Variants in DLEC1 observed in about 807,000 individuals in gnomAD.
The protein encoded by DLEC1 is deleted in lung and esophageal cancer protein 1.
DLEC1 carries 146 observed loss-of-function variants against 198.1 expected under a neutral mutation model. The ratio of observed to expected loss-of-function variants is 0.74; its 90% CI spans 0.64 to 0.85. The LOEUF (loss-of-function observed/expected upper bound fraction) is 0.85, where lower values mean the gene tolerates loss of function less well. DLEC1 is among the 40% of genes least tolerant of loss of function. DLEC1 has a pLI of 0.00. For missense variants in DLEC1, 2,233 were observed against 2,220.0 expected, an observed-to-expected ratio of 1.01 and a Z score of -0.12; for synonymous variants, 897 against 866.8, an observed-to-expected ratio of 1.03 and a Z score of -0.61.
chr3:38,088,443 GTC>G, intron 10 of DLEC1, 55 bp downstream of exon 10: 1 of 1,544,614 alleles, frequency 6.5e-7, no homozygotes. Context: ...GCTTGCATTT[GTC>G]TCTGTTTTCA....
chr3:38,069,151 G>A (rs879272349), intron 6 of DLEC1, among the ~76,000 whole-genome samples: 16 of 152,138 alleles, frequency 1.1e-4, no homozygotes, highest in Non-Finnish European at 5.9e-5. Flanking sequence ...GGGGCCAGGG[G>A]AAGAGGGCAG....
At chr3:38,108,969 T>C (rs1050295771) in intron 21 of DLEC1, among the ~76,000 whole-genome samples, 1 of 152,194 alleles carries the variant, frequency 6.6e-6, no homozygotes, top group Non-Finnish European at 1.5e-5. Context: ...AGCTGTCCCT[T>C]TGTGGTTCTT....
At position 38,109,131 on chromosome 3, in the gene DLEC1, A is replaced by C. The variant is rs573123511; in HGVS notation, c.3130-301A>C. Among the ~76,000 whole-genome samples, 8 of 152,336 alleles carry C rather than the reference A, an allele frequency of 5.3e-5. No individual in the cohort carries two copies. In the East Asian group the frequency reaches 1.5e-3, roughly 29 times the overall value. The stretch of plus-strand genomic sequence containing the variant: ...CTTGCTCAGGGAGGGTTTGATTTCT[A>C]GGGTAGCAGCTTCATCAGAGGAAGT... On this transcript the variant is annotated intron_variant, in intron 21 of 36. Transcript: ENST00000308059.
chr3:38,064,823 C>T (rs532070211), intron 6 of DLEC1, among the ~76,000 whole-genome samples: 7 of 151,154 alleles, frequency 4.6e-5, no homozygotes, highest in East Asian at 2.0e-4. Flanking sequence ...GATGGGATGA[C>T]GGCCAGGAAG....
chr3:38,039,647 G>A lies in DLEC1; in HGVS notation c.411+11G>A. On this transcript the variant is annotated intron_variant, in intron 1 of 36. Transcript: ENST00000308059. ...GACCAGCTGCAGCAGGTAACGTGGCGGTGGCGTCGCGTCTGCGGACGGTGC... is the reference window on the plus strand; with the variant it reads ...GACCAGCTGCAGCAGGTAACGTGGCAGTGGCGTCGCGTCTGCGGACGGTGC... 6.3e-7 allele frequency: 1 copy of A among 1,588,018 alleles called. No homozygotes were observed. The highest frequency in any genetic ancestry group is 1.1e-5 in the South Asian group (1 of 88,822).
At chr3:38,109,697 T>A in intron 22 of DLEC1, 135 bp downstream of exon 22, 1 of 1,420,120 alleles carries the variant, frequency 7.0e-7, no homozygotes, top group Middle Eastern at 2.6e-4. Flanking sequence ...CACAGTGTTA[T>A]TGCGGCCACT....
intron 11 of DLEC1, 84 bp from the exon 12 acceptor site, chr3:38,093,521 A>G: frequency 6.6e-7 from 1 of 1,520,896 alleles, no homozygotes; most frequent in Non-Finnish European, 9.0e-7. Context: ...CTGCATGTGG[A>G]TGGCGGCATG....
intron 19 of DLEC1, among the ~76,000 whole-genome samples, chr3:38,102,326 C>T (rs1297194990): frequency 3.3e-5 from 5 of 152,158 alleles, no homozygotes; most frequent in South Asian, 2.1e-4. Flanking sequence ...GTCATGTACC[C>T]GCCCCTTCCC....
intron 12 of DLEC1, 35 bp downstream of exon 12, chr3:38,093,802 C>G (rs1003153949): frequency 1.2e-5 from 19 of 1,608,128 alleles, no homozygotes; most frequent in Non-Finnish European, 1.5e-5. Context: ...AATACCCAAC[C>G]CTTCTTCTTG....
chr3:38,057,124 A>T (rs79982986), intron 2 of DLEC1, among the ~76,000 whole-genome samples: 9 of 152,258 alleles, frequency 5.9e-5, no homozygotes, highest in African/African-American at 2.2e-4. Flanking sequence ...TCAGGGGTGC[A>T]TCATTAGGGG....
rs1698575205 is a variant in DLEC1, at chr3:38,088,384, T to C, written c.1661T>C (p.Val554Ala). The C allele has an allele frequency of 1.9e-6, 3 of 1,611,136 alleles. No homozygotes were observed. Among genetic ancestry groups the C allele is most frequent in the Non-Finnish European group, 2.5e-6 (3 of 1,177,728 alleles). The stretch of plus-strand genomic sequence containing the variant: ...CTGGCCCCGGGACATGCTATATTAG[T>C]GGAGGTAGGTAATCAGACATTGGCA... ...FELAPGHAIL[V>A]EVLFSPKSLG... Residue 554 changes from valine (V) to alanine (A), a missense_variant, in exon 10 of 37, where the codon GTG becomes GCG. By Grantham distance (64) the Val-to-Ala change is moderately conservative. Coordinates refer to ENST00000308059, the MANE Select transcript of DLEC1 (RefSeq NM_007335.4).
intron 26 of DLEC1, 91 bp downstream of exon 26, chr3:38,114,551 C>G: frequency 1.5e-6 from 2 of 1,319,866 alleles, no homozygotes; most frequent in Non-Finnish European, 2.2e-6. Context: ...GCTTGTTATT[C>G]TCCAGCTGGC....
At chr3:38,113,317 C>T (rs1305480824) in intron 25 of DLEC1, among the ~76,000 whole-genome samples, 1 of 152,236 alleles carries the variant, frequency 6.6e-6, no homozygotes, top group Non-Finnish European at 1.5e-5. Flanking sequence ...GGAGTGGATA[C>T]AGACATTGGG....
rs1559400228 is a variant in DLEC1 at position 38,056,105 on chromosome 3, ACACACACACAC to A, written c.563-3636_563-3626del. ...CACACACACACACACACACACACAC[ACACACACACAC>A]AAATAGCTGAGTGTGGTGGCATGCG... is the stretch of plus-strand genomic sequence containing the variant. On this transcript the variant is annotated intron_variant, in intron 2 of 36. Coordinates refer to ENST00000308059, the MANE Select transcript of DLEC1 (RefSeq NM_007335.4). Among the ~76,000 whole-genome samples, 333 of 140,490 alleles carry A rather than the reference ACACACACACAC, an allele frequency of 2.4e-3. 2 individuals carry two copies. The highest frequency in any genetic ancestry group is 9.3e-3 in the African/African-American group (319 of 34,358). The allele number at this position is 140,490 out of a possible 152,430, so 92.2% of individuals were successfully genotyped here.
chr3:38,065,654 T>C (rs944977708), intron 6 of DLEC1, among the ~76,000 whole-genome samples: 3 of 152,206 alleles, frequency 2.0e-5, no homozygotes, highest in Non-Finnish European at 4.4e-5. Flanking sequence ...TTAGTATCTC[T>C]AACAGATAAG....
Position 38,117,047 on chromosome 3 carries a change from C to T in DLEC1, c.4252C>T (p.His1418Tyr). 1 of 1,614,104 alleles carries T rather than the reference C, an allele frequency of 6.2e-7. No homozygotes were observed. The highest frequency in any genetic ancestry group is 8.5e-7 in the Non-Finnish European group (1 of 1,179,982). Residue 1418 changes from histidine to tyrosine, a missense_variant, in exon 30 of 37, where the codon CAC (histidine) becomes TAC (tyrosine). Coordinates refer to ENST00000308059, the MANE Select transcript of DLEC1 (RefSeq NM_007335.4). The stretch of plus-strand genomic sequence containing the variant: ...TATGGTGCTCAGCCCTGAGATCCTG[C>T]ACAAGGTGGAGTGTACTGGCTACGC... ...TPMVLSPEILHKVECTGYALG... is the reference protein window; with the variant it reads ...TPMVLSPEILYKVECTGYALG...
rs376432657 is a variant in DLEC1 at position 38,122,448 on chromosome 3, G to A, written c.*36G>A. The A allele has an allele frequency of 1.2e-6, 2 of 1,613,916 alleles. No individual in the cohort carries two copies. The highest frequency in any genetic ancestry group is 2.7e-5 in the African/African-American group (2 of 74,892). ...CAGCCCTCAGCCCCAGGCCCCAGCT[G>A]GAGAAAAAACATTGCCCAGGGATTA... On this transcript the variant is annotated 3_prime_UTR_variant, in exon 37 of 37. Transcript: ENST00000308059.
At chr3:38,079,652 G>T (rs988866041) in intron 6 of DLEC1, among the ~76,000 whole-genome samples, 2 of 152,180 alleles carry the variant, frequency 1.3e-5, no homozygotes, top group Non-Finnish European at 2.9e-5. Context: ...ATTTCCAGTG[G>T]GGTCCCACAC....
chr3:38,100,585 A>C (rs1344215429), intron 19 of DLEC1, among the ~76,000 whole-genome samples, 160 bp downstream of exon 19: 7 of 152,370 alleles, frequency 4.6e-5, no homozygotes. Context: ...AGAAACTCAA[A>C]ATGACGCATA....
Sources: allele counts gnomAD v4.1 joint callset (sites outside exome capture counted in the v4.1 genomes callset), GRCh38; gene constraint gnomAD v4.1.1; transcripts MANE v1.5; gene names NCBI Gene and HGNC (gene_info 2026-07-23, HGNC 2026-07-21).